Variants in MTA3 observed in about 807,000 individuals in gnomAD.
MTA3 encodes metastasis associated 1 family member 3, also known as metastasis-associated protein MTA3.
In MTA3, 34 loss-of-function variants were observed where a neutral mutation model predicts 83.5. That is an observed-to-expected ratio of 0.41 (90% confidence interval 0.31 to 0.54). The LOEUF is 0.54. Among genes scored for constraint, MTA3 ranks in the 20% least tolerant of loss-of-function variants. MTA3 has a pLI of 0.33. For missense variants in MTA3, 761 were observed against 726.4 expected, an observed-to-expected ratio of 1.05 and a Z score of -0.55; for synonymous variants, 303 against 252.7, an observed-to-expected ratio of 1.20 and a Z score of -1.89.
At chr2:42,552,874 C>T (rs1677181395) in intron 2 of MTA3, among the ~76,000 whole-genome samples, 1 of 151,650 alleles carries the variant, frequency 6.6e-6, no homozygotes, top group African/African-American at 2.4e-5. Context: ...TGCTTGAACC[C>T]AGGAGGTGGA....
chr2:42,602,000 C>T (rs1296306305), intron 3 of MTA3, among the ~76,000 whole-genome samples: 6 of 152,160 alleles, frequency 3.9e-5, no homozygotes, highest in Non-Finnish European at 8.8e-5. Context: ...CCACCTTGCC[C>T]GGCTAATTTT....
At position 42,692,786 on chromosome 2, in the gene MTA3, C is replaced by T. The variant is rs563202612; in HGVS notation, c.892-2979C>T. Among the ~76,000 whole-genome samples, 6 of 152,282 alleles carry T rather than the reference C, an allele frequency of 3.9e-5. No individual in the cohort carries two copies. The South Asian group carries it at 1.0e-3, about 26-fold the overall frequency. On this transcript the variant is annotated intron_variant, in intron 9 of 16. Coordinates refer to ENST00000405094, the MANE Select transcript of MTA3 (RefSeq NM_001330442.2). ...GTCTCTGTTTGTCCAGCATTGGTCCCTCCTGACTTACTTACTTTGTTTGGT... is the reference window on the plus strand; with the variant it reads ...GTCTCTGTTTGTCCAGCATTGGTCCTTCCTGACTTACTTACTTTGTTTGGT...
intron 8 of MTA3, among the ~76,000 whole-genome samples, chr2:42,678,632 A>G (rs543289686): frequency 1.1e-4 from 17 of 152,272 alleles, no homozygotes; most frequent in Admixed American, 6.5e-4. Context: ...CCTGGCCCCA[A>G]TGATTGATTT....
intron 1 of MTA3, 35 bp downstream of exon 1, chr2:42,568,808 A>G: frequency 8.2e-7 from 1 of 1,214,088 alleles, no homozygotes. Flanking sequence ...CCCGTGTGGG[A>G]GCGGGTTCCG....
intron 6 of MTA3, among the ~76,000 whole-genome samples, chr2:42,650,830 A>G (rs773909218): frequency 6.6e-6 from 1 of 152,182 alleles, no homozygotes; most frequent in Non-Finnish European, 1.5e-5. Context: ...TTATTTTAGA[A>G]CTATTTAATT....
intron 4 of MTA3, among the ~76,000 whole-genome samples, chr2:42,611,298 TC>T (rs1684182439): frequency 7.0e-6 from 1 of 143,300 alleles, no homozygotes; most frequent in South Asian, 2.3e-4. Flanking sequence ...TTGTAGACTT[TC>T]TAAAGCTCTG....
chr2:42,653,722 T>C (rs1688919011), intron 6 of MTA3, among the ~76,000 whole-genome samples: 1 of 152,234 alleles, frequency 6.6e-6, no homozygotes, highest in Admixed American at 6.5e-5. Context: ...TTACTTCTGC[T>C]ATATGCTGCA....
chr2:42,598,113 C>G (rs1362641929), intron 3 of MTA3, among the ~76,000 whole-genome samples: 1 of 151,736 alleles, frequency 6.6e-6, no homozygotes. Flanking sequence ...TGCTCTGTTG[C>G]CCAGGCCGGA....
chr2:42,570,953 C>T (rs949983732), intron 2 of MTA3, among the ~76,000 whole-genome samples: 9 of 151,254 alleles, frequency 6.0e-5, no homozygotes, highest in African/African-American at 1.7e-4. Context: ...GCGGAGGTTG[C>T]GGTGAGCCAA....
At chr2:42,563,000 C>T (rs1279193779) in intron 2 of MTA3, among the ~76,000 whole-genome samples, 1 of 152,104 alleles carries the variant, frequency 6.6e-6, no homozygotes, top group Non-Finnish European at 1.5e-5. Context: ...CACCTCGTGC[C>T]TCCCTAGAGT....
At chr2:42,629,698 A>G (rs2104247432) in intron 4 of MTA3, among the ~76,000 whole-genome samples, 1 of 152,040 alleles carries the variant, frequency 6.6e-6, no homozygotes, top group Non-Finnish European at 1.5e-5. Context: ...TCATGAAGTG[A>G]GGGATAAAGA....
In MTA3 at chr2:42,579,128, G is replaced by A. The variant is rs375337084; in HGVS notation, c.118G>A (p.Ala40Thr). ...TTAGACTGCAAGTGGCAACGTGGAA[G>A]CAAAAGTAGTATGCTTTTATAGACG... ...LNKTASGNVE[A>T]KVVCFYRRRD... The change falls in exon 3 of 17, where the codon GCA becomes ACA. Residue 40 changes from alanine (A) to threonine (T), a missense_variant. By Grantham distance (58) the Ala-to-Thr change is moderately conservative. Coordinates refer to ENST00000405094, the MANE Select transcript of MTA3 (RefSeq NM_001330442.2). The A allele has an allele frequency of 3.7e-5, 60 of 1,606,782 alleles. No individual in the cohort carries two copies. Among genetic ancestry groups the A allele is most frequent in the Non-Finnish European group, 4.8e-5 (56 of 1,176,870 alleles).
intron 4 of MTA3, among the ~76,000 whole-genome samples, chr2:42,614,665 A>C (rs1684636039): frequency 6.6e-6 from 1 of 151,842 alleles, no homozygotes; most frequent in African/African-American, 2.4e-5. Flanking sequence ...TAATATAGTG[A>C]ATTCGGCTTT....
At chr2:42,652,345 G>C (rs541651272) in intron 6 of MTA3, among the ~76,000 whole-genome samples, 2 of 152,080 alleles carry the variant, frequency 1.3e-5, no homozygotes, top group Non-Finnish European at 2.9e-5. Context: ...CTTCACTAAC[G>C]TAGATTTCCT....
At chr2:42,594,286 G>T (rs565231607) in intron 3 of MTA3, among the ~76,000 whole-genome samples, 1 of 141,366 alleles carries the variant, frequency 7.1e-6, no homozygotes, top group East Asian at 2.1e-4. Flanking sequence ...CCCTAGGCTG[G>T]AGTGCAGTGG....
At chr2:42,549,490 ATATAT>A (rs1676988699) in intron 2 of MTA3, among the ~76,000 whole-genome samples, 1 of 36,104 alleles carries the variant, frequency 2.8e-5, no homozygotes, top group Non-Finnish European at 3.8e-5. Flanking sequence ...TATTTAAATT[ATATAT>A]TATATCATAT....
At chr2:42,671,061 C>A (rs565751756) in intron 8 of MTA3, among the ~76,000 whole-genome samples, 1 of 151,998 alleles carries the variant, frequency 6.6e-6, no homozygotes, top group Non-Finnish European at 1.5e-5. Context: ...TAGTCTCTTT[C>A]ATTCCTGAAC....
intron 2 of MTA3, among the ~76,000 whole-genome samples, chr2:42,551,455 T>A (rs1158330664): frequency 1.3e-5 from 2 of 152,066 alleles, no homozygotes; most frequent in Non-Finnish European, 2.9e-5. Context: ...CCTCCCAAAG[T>A]GCTGGGATTA....
intron 3 of MTA3, among the ~76,000 whole-genome samples, chr2:42,580,282 C>T (rs1300137078): frequency 6.6e-6 from 1 of 151,896 alleles, no homozygotes; most frequent in East Asian, 1.9e-4. Context: ...TGCCCAGCCA[C>T]ATTTTTCCCC....
Sources: allele counts gnomAD v4.1 joint callset (sites outside exome capture counted in the v4.1 genomes callset), GRCh38; gene constraint gnomAD v4.1.1; transcripts MANE v1.5; gene names NCBI Gene and HGNC (gene_info 2026-07-23, HGNC 2026-07-21).